TFF3: variants seen among roughly 807,000 people sequenced by gnomAD.
The protein encoded by TFF3 is trefoil factor 3.
TFF3 carries 6 observed loss-of-function variants against 9.7 expected under a neutral mutation model. The observed-to-expected ratio is 0.62, with a 90% CI of 0.34 to 1.22. The LOEUF (loss-of-function observed/expected upper bound fraction) is 1.22. TFF3 is among the 50% of genes most tolerant of loss of function. TFF3 has a pLI of 0.04. For synonymous variants in TFF3, 48 were observed against 41.4 expected (o/e 1.16, Z -0.61); for missense variants, 93 against 98.6 (o/e 0.94, Z 0.24).
In TFF3 at chr21:42,311,764, A is replaced by G; in HGVS notation, c.*492T>C. ...GAGAGTGGTTGTGAAATAAAGGACC[A>G]CTTTGGAAGACAGTTTTATTGGCTT... On this transcript the variant is annotated 3_prime_UTR_variant, in exon 3 of 3. Transcript: ENST00000518498. 1 of 262,524 alleles carries G rather than the reference A, an allele frequency of 3.8e-6. No individual in the cohort carries two copies. Among genetic ancestry groups the G allele is most frequent in the Non-Finnish European group, 7.4e-6 (1 of 134,932 alleles). 16.3% of individuals were successfully genotyped at this position (262,524 alleles called of 1,614,324 possible).
Position 42,313,777 on chromosome 21 carries a change from T to C in TFF3, c.83-146A>G. On this transcript the variant is annotated intron_variant, in intron 1 of 2. Coordinates refer to ENST00000518498, the MANE Select transcript of TFF3 (RefSeq NM_003226.4). This position sits in a 1 kb window ranked among gnomAD's most constrained non-coding sequence, Gnocchi z 4.0. ...GCTGAAACCCTCGCCCTTAGGAAGA[T>C]GCACTTTCCCTGTGAATATTTAAAG... 1.1e-6 allele frequency: 1 copy of C among 875,864 alleles called. No homozygotes were observed. The highest frequency in any genetic ancestry group is 1.7e-6 in the Non-Finnish European group (1 of 605,914). The allele number at this position is 875,864 out of a possible 1,614,324, so 54.3% of individuals were successfully genotyped here.
Position 42,313,486 on chromosome 21 carries a change from T to A in TFF3, c.228A>T (p.Ala76=). ...ACCACGATGCCACTGGGGCCTTACC[T>A]GCTTCCTGCAGGGGCTTGAAACACC... ...VPWCFKPLQE[A]ECTF The change falls in exon 2 of 3, where the codon GCA becomes GCT. Residue 76 remains alanine, a splice_region_variant and synonymous_variant. Coordinates refer to ENST00000518498, the MANE Select transcript of TFF3 (RefSeq NM_003226.4). The surrounding 1 kb of genome is among the most constrained non-coding windows in gnomAD (Gnocchi z 4.0). The A allele has an allele frequency of 6.2e-7, 1 of 1,607,560 alleles. No individual in the cohort carries two copies. Among genetic ancestry groups the A allele is most frequent in the African/African-American group, 1.3e-5 (1 of 74,716 alleles).
Position 42,313,702 on chromosome 21 carries a change from T to A in TFF3, c.83-71A>T. On this transcript the variant is annotated intron_variant, in intron 1 of 2. Transcript: ENST00000518498. This position sits in a 1 kb window ranked among gnomAD's most constrained non-coding sequence, Gnocchi z 4.0. The stretch of plus-strand genomic sequence containing the variant: ...TGCGGTGAGTGTGTTTGCTTCACTT[T>A]GCAAGTTTGCATCCTCCCGCTCCGC... 1 of 1,510,988 alleles carries A rather than the reference T, an allele frequency of 6.6e-7. No homozygotes were observed. Among genetic ancestry groups the A allele is most frequent in the Admixed American group, 2.1e-5 (1 of 47,568 alleles). The allele number at this position is 1,510,988 out of a possible 1,614,324, so 93.6% of individuals were successfully genotyped here.
intron 1 of TFF3, among the ~76,000 whole-genome samples, chr21:42,314,496 A>C (rs1340063115): frequency 1.3e-5 from 2 of 152,162 alleles, no homozygotes; most frequent in Non-Finnish European, 2.9e-5. Context: ...TCTACTAAAA[A>C]TCCAAAAAAT....
rs1341945883 is a variant in TFF3, at chr21:42,313,423, A to G, written c.229+62T>C. ...CATCTCCAGCCCAGAAAGGACAGGGAGGCCCTGAGACCCCCTGCCTTATGG... is the reference window on the plus strand; with the variant it reads ...CATCTCCAGCCCAGAAAGGACAGGGGGGCCCTGAGACCCCCTGCCTTATGG... On this transcript the variant is annotated intron_variant, in intron 2 of 2. Coordinates refer to ENST00000518498, the MANE Select transcript of TFF3 (RefSeq NM_003226.4). This position sits in a 1 kb window ranked among gnomAD's most constrained non-coding sequence, Gnocchi z 4.0. 1 of 1,541,220 alleles carries G rather than the reference A, an allele frequency of 6.5e-7. No homozygotes were observed. The highest frequency in any genetic ancestry group is 1.4e-5 in the African/African-American group (1 of 71,570).
chr21:42,312,933 C>T lies in TFF3; in HGVS notation c.229+552G>A, dbSNP rs570608807. On this transcript the variant is annotated intron_variant, in intron 2 of 2. Coordinates refer to ENST00000518498, the MANE Select transcript of TFF3 (RefSeq NM_003226.4). ...AGGGCCATCTGTTACCCGCACAGCA[C>T]GCAGGCTCTCCGCCCCTGGGGAGGG... 5.6e-4 allele frequency among the ~76,000 whole-genome samples: 86 copies of T among 152,282 alleles called. 1 individual carries two copies. The highest frequency in any genetic ancestry group is 9.7e-4 in the East Asian group (5 of 5,162).
At chr21:42,314,836 G>A (rs1398614566) in intron 1 of TFF3, among the ~76,000 whole-genome samples, 3 of 152,168 alleles carry the variant, frequency 2.0e-5, no homozygotes, top group Non-Finnish European at 4.4e-5. Flanking sequence ...CTTCAAACTT[G>A]GGTTAATGGA....
In TFF3 at chr21:42,312,098, C is replaced by T. The variant is rs758448416; in HGVS notation, c.*158G>A. ...TCGGGTGGAGCATGGGACCTTTATT[C>T]GTTAAGACATCAGGCTCCAGATATG... is the stretch of plus-strand genomic sequence containing the variant. On this transcript the variant is annotated 3_prime_UTR_variant, in exon 3 of 3. Transcript: ENST00000518498. 5.1e-6 allele frequency: 5 copies of T among 971,886 alleles called. No homozygotes were observed. The highest frequency in any genetic ancestry group is 2.4e-5 in the East Asian group (1 of 41,312). The allele number at this position is 971,886 out of a possible 1,614,324, so 60.2% of individuals were successfully genotyped here. A position where few individuals can be genotyped will look rare whatever the true frequency, so the allele number is the denominator to read the frequency against.
At position 42,315,375 on chromosome 21, in the gene TFF3, G is replaced by T; in HGVS notation, c.-1C>A. On this transcript the variant is annotated 5_prime_UTR_variant, in exon 1 of 3. Coordinates refer to ENST00000518498, the MANE Select transcript of TFF3 (RefSeq NM_003226.4). Reference sequence around the variant, plus strand: ...GCATGCAGAGCGCTCTGGCAGCCATGACCACCGTGGGCTCCGGGACGCAGC... The same window carrying T: ...GCATGCAGAGCGCTCTGGCAGCCATTACCACCGTGGGCTCCGGGACGCAGC... 6.2e-7 allele frequency: 1 copy of T among 1,614,176 alleles called. No homozygotes were observed. The highest frequency in any genetic ancestry group is 1.1e-5 in the South Asian group (1 of 91,050).
intron 1 of TFF3, 32 bp downstream of exon 1, chr21:42,315,261 C>T: frequency 6.3e-7 from 1 of 1,598,234 alleles, no homozygotes; most frequent in Non-Finnish European, 8.5e-7. Flanking sequence ...TCACGCCCAC[C>T]CTGCCACCGG....
In TFF3 at chr21:42,313,776, A is replaced by G. The variant is rs2069344228; in HGVS notation, c.83-145T>C. ...TGCTGAAACCCTCGCCCTTAGGAAG[A>G]TGCACTTTCCCTGTGAATATTTAAA... On this transcript the variant is annotated intron_variant, in intron 1 of 2. Coordinates refer to ENST00000518498, the MANE Select transcript of TFF3 (RefSeq NM_003226.4). The surrounding 1 kb of genome is among the most constrained non-coding windows in gnomAD (Gnocchi z 4.0). 2 of 882,884 alleles carry G rather than the reference A, an allele frequency of 2.3e-6. No individual in the cohort carries two copies. Among genetic ancestry groups the G allele is most frequent in the Non-Finnish European group, 3.3e-6 (2 of 612,584 alleles). The allele number at this position is 882,884 out of a possible 1,614,324, so 54.7% of individuals were successfully genotyped here.
intron 2 of TFF3, 35 bp from the exon 3 acceptor site, chr21:42,312,304 C>G (rs745464495): frequency 6.4e-7 from 1 of 1,571,580 alleles, no homozygotes; most frequent in Admixed American, 1.8e-5. Context: ...TGAGCAGTCT[C>G]TCTCCACCCA....
At chr21:42,315,243 C>T in intron 1 of TFF3, 50 bp downstream of exon 1, 1 of 1,584,634 alleles carries the variant, frequency 6.3e-7, no homozygotes, top group Non-Finnish European at 8.6e-7. Context: ...ATCCTGGATC[C>T]CTTCCCTTCA....
intron 2 of TFF3, among the ~76,000 whole-genome samples, chr21:42,312,944 C>T (rs531111600): frequency 2.6e-5 from 4 of 152,280 alleles, no homozygotes; most frequent in South Asian, 4.1e-4. Flanking sequence ...GCAGGCTCTC[C>T]GCCCCTGGGG....
chr21:42,313,701 T>TA lies in TFF3; in HGVS notation c.83-71_83-70insT. On this transcript the variant is annotated intron_variant, in intron 1 of 2. Transcript: ENST00000518498. The surrounding 1 kb of genome is among the most constrained non-coding windows in gnomAD (Gnocchi z 4.0). ...CTGCGGTGAGTGTGTTTGCTTCACT[T>TA]TGCAAGTTTGCATCCTCCCGCTCCG... The TA allele has an allele frequency of 6.6e-7, 1 of 1,510,476 alleles. No individual in the cohort carries two copies. The highest frequency in any genetic ancestry group is 8.9e-7 in the Non-Finnish European group (1 of 1,123,360). 93.6% of individuals were successfully genotyped at this position (1,510,476 alleles called of 1,614,324 possible). A position where few individuals can be genotyped will look rare whatever the true frequency, so the allele number is the denominator to read the frequency against.
In TFF3 at chr21:42,312,123, G is replaced by T; in HGVS notation, c.*133C>A. On this transcript the variant is annotated 3_prime_UTR_variant, in exon 3 of 3. Coordinates refer to ENST00000518498, the MANE Select transcript of TFF3 (RefSeq NM_003226.4). ...CGTTAAGACATCAGGCTCCAGATAT[G>T]AACTTTCAGCAGAAGCGCTTGCCGG... 8.1e-7 allele frequency: 1 copy of T among 1,234,758 alleles called. No homozygotes were observed. The highest frequency in any genetic ancestry group is 1.2e-6 in the Non-Finnish European group (1 of 835,002). The allele number at this position is 1,234,758 out of a possible 1,614,324, so 76.5% of individuals were successfully genotyped here.
rs1389121945 is a variant in TFF3, at chr21:42,315,351, C to T, written c.24G>A (p.Met8Ile). 2 of 1,614,208 alleles carry T rather than the reference C, an allele frequency of 1.2e-6. No homozygotes were observed. Among genetic ancestry groups the T allele is most frequent in the Non-Finnish European group, 1.7e-6 (2 of 1,180,044 alleles). ...ACAGCAAGGCCAGGACCAGCCCCAG[C>T]ATGCAGAGCGCTCTGGCAGCCATGA... MAARALC[M>I]LGLVLALLSS... The change falls in exon 1 of 3, where the codon ATG (methionine) becomes ATA (isoleucine). Residue 8 changes from methionine to isoleucine, a missense_variant. Transcript: ENST00000518498.
Position 42,315,268 on chromosome 21 carries a change from C to T in TFF3, c.82+25G>A, listed in dbSNP as rs145616826. 2.3e-5 allele frequency: 37 copies of T among 1,600,702 alleles called. No homozygotes were observed. In the East Asian group the frequency reaches 8.1e-4, roughly 35 times the overall value. ...CCTTCCCTTCACGCCCACCCTGCCACCGGGGCAGTCAGGGCAGTACTCACA... is the reference window on the plus strand; with the variant it reads ...CCTTCCCTTCACGCCCACCCTGCCATCGGGGCAGTCAGGGCAGTACTCACA... On this transcript the variant is annotated intron_variant, in intron 1 of 2. Transcript: ENST00000518498.
At chr21:42,312,378 C>T in intron 2 of TFF3, 109 bp from the exon 3 acceptor site, 3 of 1,356,032 alleles carry the variant, frequency 2.2e-6, no homozygotes, top group Non-Finnish European at 3.0e-6. Context: ...GCCTCCTCCC[C>T]AGAGTCACCG....
Sources: allele counts gnomAD v4.1 joint callset (sites outside exome capture counted in the v4.1 genomes callset), GRCh38; gene constraint gnomAD v4.1.1; non-coding constraint Gnocchi (gnomAD v3.1); transcripts MANE v1.5; gene names NCBI Gene and HGNC (gene_info 2026-07-23, HGNC 2026-07-21).